MYO3B: variants seen among roughly 807,000 people sequenced by gnomAD.
MYO3B encodes the protein myosin-IIIb.
A neutral mutation model predicts 174.6 loss-of-function variants in MYO3B; 156 were observed. That is an observed-to-expected ratio of 0.89 (90% CI 0.78 to 1.02). The LOEUF is 1.02. Among genes scored for constraint, MYO3B ranks in the 50% least tolerant of loss-of-function variants. The probability of loss-of-function intolerance (pLI) is 0.00; values close to 1 mark genes in which losing one functional copy is unlikely to be tolerated. For synonymous variants in MYO3B, 563 were observed against 569.1 expected (o/e 0.99, Z 0.15); for missense variants, 1,632 against 1,639.4 (o/e 1.00, Z 0.08).
intron 8 of MYO3B, among the ~76,000 whole-genome samples, chr2:170,368,443 A>C (rs1405102246): frequency 6.6e-6 from 1 of 152,232 alleles, no homozygotes; most frequent in Non-Finnish European, 1.5e-5. Flanking sequence ...CCTGTATCCA[A>C]ATCATCTTGA....
In MYO3B at chr2:170,360,535, G is replaced by A. The variant is rs373223817; in HGVS notation, c.816-8687G>A. On this transcript the variant is annotated intron_variant, in intron 8 of 34. Transcript: ENST00000408978. ...CCTCAGTGGTAGGAATCAACTGAGA[G>A]AAAGTAGCTAACTAATGAGCACAGT... 1.6e-3 allele frequency among the ~76,000 whole-genome samples: 237 copies of A among 152,326 alleles called. 1 individual carries two copies. Among genetic ancestry groups the A allele is most frequent in the African/African-American group, 5.1e-3 (211 of 41,568 alleles).
intron 7 of MYO3B, among the ~76,000 whole-genome samples, chr2:170,243,194 C>T (rs1559329570): frequency 6.6e-6 from 1 of 152,212 alleles, no homozygotes; most frequent in Non-Finnish European, 1.5e-5. Context: ...TATGATTTTT[C>T]ATGAGTCTAT....
intron 7 of MYO3B, among the ~76,000 whole-genome samples, chr2:170,312,569 G>A (rs1310096643): frequency 6.6e-6 from 1 of 152,268 alleles, no homozygotes; most frequent in Admixed American, 6.5e-5. Flanking sequence ...CTTAAATTGT[G>A]ATCTAAGTTT....
chr2:170,337,968 G>A (rs1032977078), intron 8 of MYO3B: 7 of 152,128 alleles, frequency 4.6e-5, no homozygotes, highest in African/African-American at 1.7e-4. Context: ...GGTTAGCAGA[G>A]GTGGAAGAAA....
intron 8 of MYO3B, among the ~76,000 whole-genome samples, chr2:170,364,903 G>A (rs1171997427): frequency 6.6e-6 from 1 of 152,210 alleles, no homozygotes; most frequent in Admixed American, 6.5e-5. Flanking sequence ...AAAAGAAGCA[G>A]CTTAGGAGGT....
At chr2:170,254,625 C>T (rs529867529) in intron 7 of MYO3B, among the ~76,000 whole-genome samples, 2 of 152,200 alleles carry the variant, frequency 1.3e-5, no homozygotes, top group Non-Finnish European at 2.9e-5. Context: ...GGTCAGAGGA[C>T]AAAGCCACAG....
intron 32 of MYO3B, among the ~76,000 whole-genome samples, chr2:170,574,484 G>T (rs981855394): frequency 6.6e-5 from 10 of 152,058 alleles, no homozygotes; most frequent in African/African-American, 2.4e-4. Context: ...AAGATCAAAG[G>T]TAATGAGAAT....
chr2:170,648,507 T>C (rs1698550273), intron 32 of MYO3B, among the ~76,000 whole-genome samples: 1 of 151,410 alleles, frequency 6.6e-6, no homozygotes, highest in East Asian at 1.9e-4. Context: ...GGTATCTGCC[T>C]GTAATCTTAG....
chr2:170,217,480 C>T, intron 6 of MYO3B, 85 bp downstream of exon 6: 1 of 1,195,936 alleles, frequency 8.4e-7, no homozygotes, highest in Non-Finnish European at 1.2e-6. Context: ...ATATGCTTTG[C>T]AGAATTTTTA....
At chr2:170,439,288 C>T (rs1405709976) in intron 22 of MYO3B, among the ~76,000 whole-genome samples, 2 of 151,768 alleles carry the variant, frequency 1.3e-5, no homozygotes, top group Non-Finnish European at 2.9e-5. Context: ...AGGAGAATGG[C>T]GTGAACCCAG....
intron 32 of MYO3B, chr2:170,643,601 A>ACTGAACACTCT (rs1341270818): frequency 6.6e-6 from 1 of 152,172 alleles, no homozygotes; most frequent in African/African-American, 2.4e-5. Flanking sequence ...AATCTAGAAC[A>ACTGAACACTCT]CTGAACACTC....
rs2092896632 is a variant in MYO3B at position 170,221,220 on chromosome 2, A to G, written c.603+3825A>G. Among the ~76,000 whole-genome samples the G allele has an allele frequency of 1.3e-5, 2 of 152,120 alleles. 1 individual carries two copies. The highest frequency in any genetic ancestry group is 2.9e-5 in the Non-Finnish European group (2 of 68,030). ...ATAAGTGGTCTTTAGATTAAATACG[A>G]CAATGCACGCAATACCAATGCCAGT... On this transcript the variant is annotated intron_variant, in intron 6 of 34. Transcript: ENST00000408978.
chr2:170,299,480 A>G (rs2093651258), intron 7 of MYO3B, among the ~76,000 whole-genome samples: 1 of 152,184 alleles, frequency 6.6e-6, no homozygotes, highest in Admixed American at 6.5e-5. Flanking sequence ...TTTAGAAGAA[A>G]TGAAAAGAGC....
At chr2:170,247,948 C>A (rs2093210241) in intron 7 of MYO3B, among the ~76,000 whole-genome samples, 1 of 152,094 alleles carries the variant, frequency 6.6e-6, no homozygotes, top group African/African-American at 2.4e-5. Context: ...CCCTCCTGAA[C>A]CCTCCTTTCT....
At position 170,565,535 on chromosome 2, in the gene MYO3B, C is replaced by A. The variant is rs984459364; in HGVS notation, c.3733+21547C>A. ...TCTAAGGGAGAAATTGGTTTTGTTT[C>A]AAATGGCATCTTGCATCTTGCATTT... On this transcript the variant is annotated intron_variant, in intron 32 of 34. Coordinates refer to ENST00000408978, the MANE Select transcript of MYO3B (RefSeq NM_138995.5). Among the ~76,000 whole-genome samples the A allele has an allele frequency of 7.9e-5, 12 of 152,280 alleles. No individual in the cohort carries two copies. In the East Asian group the frequency reaches 2.3e-3, roughly 29 times the overall value.
At chr2:170,549,206 G>C (rs1690725885) in intron 32 of MYO3B, among the ~76,000 whole-genome samples, 1 of 152,166 alleles carries the variant, frequency 6.6e-6, no homozygotes, top group Middle Eastern at 3.4e-3. Flanking sequence ...CCTGCCCTTG[G>C]GTTTTCTTTT....
intron 25 of MYO3B, among the ~76,000 whole-genome samples, chr2:170,496,623 A>G (rs1333316103): frequency 6.7e-6 from 1 of 148,358 alleles, no homozygotes; most frequent in Admixed American, 6.8e-5. Flanking sequence ...TATAATATAT[A>G]TAATACATAT....
At position 170,542,731 on chromosome 2, in the gene MYO3B, A is replaced by G. The variant is rs570185033; in HGVS notation, c.3576-175A>G. On this transcript the variant is annotated intron_variant, in intron 30 of 34. Transcript: ENST00000408978. ...GCTGTAACATGTAGGAGCAACACCT[A>G]GTAGGACTCATTTTCTTAAGGTGAC... is the stretch of plus-strand genomic sequence containing the variant. Among the ~76,000 whole-genome samples, 7 of 152,348 alleles carry G rather than the reference A, an allele frequency of 4.6e-5. No individual in the cohort carries two copies. In the East Asian group the frequency reaches 1.3e-3, roughly 29 times the overall value.
chr2:170,466,761 TG>T, intron 25 of MYO3B, 50 bp downstream of exon 25: 2 of 1,556,036 alleles, frequency 1.3e-6, no homozygotes, highest in South Asian at 2.3e-5. Flanking sequence ...AGCTCTACTC[TG>T]GCCATCCCTG....
Sources: allele counts gnomAD v4.1 joint callset (sites outside exome capture counted in the v4.1 genomes callset), GRCh38; gene constraint gnomAD v4.1.1; transcripts MANE v1.5; gene names NCBI Gene and HGNC (gene_info 2026-07-23, HGNC 2026-07-21).